Variants in POT1 observed in about 807,000 individuals in gnomAD.
POT1 encodes protection of telomeres protein 1.
A neutral mutation model predicts 78.5 loss-of-function variants in POT1; 47 were observed. The observed-to-expected ratio is 0.60, with a 90% confidence interval of 0.47 to 0.76. The LOEUF is 0.76. Among genes scored for constraint, POT1 ranks in the 30% least tolerant of loss-of-function variants. The pLI is 0.00. For missense variants in POT1, 646 were observed against 749.9 expected (o/e 0.86, Z 1.62); for synonymous variants, 259 against 260.7 (o/e 0.99, Z 0.06).
At chr7:124,837,823 T>C (rs1365608253) in intron 14 of POT1, among the ~76,000 whole-genome samples, 2 of 151,996 alleles carry the variant, frequency 1.3e-5, no homozygotes, top group African/African-American at 4.8e-5. Flanking sequence ...ATTTAAAAAT[T>C]GAATCAAAAA....
chr7:124,875,188 C>A (rs929452052), intron 6 of POT1, among the ~76,000 whole-genome samples: 1 of 152,084 alleles, frequency 6.6e-6, no homozygotes, highest in Non-Finnish European at 1.5e-5. Flanking sequence ...TTCTTACTTG[C>A]AATTACCATA....
intron 13 of POT1, 32 bp from the exon 14 acceptor site, chr7:124,841,210 C>T (rs759530267): frequency 1.1e-5 from 17 of 1,559,040 alleles, no homozygotes; most frequent in Admixed American, 1.0e-4. Context: ...TGATAGAAAT[C>T]GATTTTGGTG....
intron 6 of POT1, among the ~76,000 whole-genome samples, chr7:124,879,090 T>C (rs1458209787): frequency 6.6e-6 from 1 of 152,198 alleles, no homozygotes; most frequent in Non-Finnish European, 1.5e-5. Context: ...CTGAAAATAC[T>C]AATTGTTTGA....
chr7:124,840,311 T>A (rs938797170), intron 14 of POT1, among the ~76,000 whole-genome samples: 1 of 151,752 alleles, frequency 6.6e-6, no homozygotes, highest in African/African-American at 2.4e-5. Flanking sequence ...TGAAAAGGTT[T>A]CAAGGGAAGG....
chr7:124,875,328 TAAA>T (rs1273423663), intron 6 of POT1, among the ~76,000 whole-genome samples: 1 of 152,134 alleles, frequency 6.6e-6, no homozygotes, highest in Non-Finnish European at 1.5e-5. Flanking sequence ...TGTGTACACT[TAAA>T]AAGACTAATT....
chr7:124,839,087 G>A (rs561632966), intron 14 of POT1, among the ~76,000 whole-genome samples: 2 of 152,224 alleles, frequency 1.3e-5, no homozygotes, highest in Admixed American at 6.5e-5. Context: ...TAAGGATGGT[G>A]TGATATTAGG....
In POT1 at chr7:124,892,303, C is replaced by G. The variant is rs1481759760; in HGVS notation, c.87G>C (p.Val29=). Residue 29 remains valine, a synonymous_variant, in exon 6 of 19, where the codon GTG becomes GTC. Coordinates refer to ENST00000357628, the MANE Select transcript of POT1 (RefSeq NM_015450.3). ...TTAGATATGGGGGCTTAAAGAACTT[C>G]ACAACACCATAGACATTGACAATTG... The part of the protein sequence containing the change: ...GGTIVNVYGV[V]KFFKPPYLSK... 1.3e-6 allele frequency: 2 copies of G among 1,546,894 alleles called. No homozygotes were observed. The highest frequency in any genetic ancestry group is 4.4e-5 in the Admixed American group (2 of 45,084).
At chr7:124,863,836 A>T (rs547524924) in intron 7 of POT1, among the ~76,000 whole-genome samples, 196 bp from the exon 8 acceptor site, 1 of 152,270 alleles carries the variant, frequency 6.6e-6, no homozygotes, top group Non-Finnish European at 1.5e-5. Flanking sequence ...AAGATACAGA[A>T]GTATCATGGA....
At chr7:124,838,728 C>A (rs1794955241) in intron 14 of POT1, among the ~76,000 whole-genome samples, 1 of 152,070 alleles carries the variant, frequency 6.6e-6, no homozygotes, top group Non-Finnish European at 1.5e-5. Context: ...GCCTCAGCCT[C>A]CCGAGTAGTT....
intron 12 of POT1, among the ~76,000 whole-genome samples, chr7:124,844,772 G>C (rs1795125575): frequency 1.4e-5 from 2 of 146,490 alleles, no homozygotes; most frequent in African/African-American, 5.0e-5. Flanking sequence ...TGGCAGACCT[G>C]ATCAATTTAG....
intron 3 of POT1, among the ~76,000 whole-genome samples, chr7:124,905,172 A>G (rs58372288): frequency 0.044 from 6,683 of 152,246 alleles, 364 homozygotes; most frequent in African/African-American, 0.12. Flanking sequence ...CTCATTCCCA[A>G]GACAATCTTA....
At chr7:124,852,327 C>T (rs955115620) in intron 10 of POT1, among the ~76,000 whole-genome samples, 3 of 151,954 alleles carry the variant, frequency 2.0e-5, no homozygotes, top group Non-Finnish European at 2.9e-5. Context: ...ACACTAATTC[C>T]AATGAATTAA....
At chr7:124,894,894 A>G (rs1402927953) in intron 5 of POT1, among the ~76,000 whole-genome samples, 1 of 151,676 alleles carries the variant, frequency 6.6e-6, no homozygotes, top group African/African-American at 2.4e-5. Flanking sequence ...ACAAGGAGAA[A>G]TGATAGCATA....
rs1795856518 is a variant in POT1, at chr7:124,871,044, G to T, written c.125-3C>A. ...AATAGTTACAACTGAGCAATAATCT[G>T]GAAAACACAAAAATATTTTACCTGA... is the stretch of plus-strand genomic sequence containing the variant. On this transcript the variant is annotated splice_polypyrimidine_tract_variant and splice_region_variant and intron_variant, in intron 6 of 18. Transcript: ENST00000357628. 1 of 1,553,900 alleles carries T rather than the reference G, an allele frequency of 6.4e-7. No individual in the cohort carries two copies. Among genetic ancestry groups the T allele is most frequent in the South Asian group, 1.2e-5 (1 of 80,372 alleles).
At chr7:124,859,187 C>G (rs1795523838) in intron 8 of POT1, 75 bp from the exon 9 acceptor site, 3 of 1,187,890 alleles carry the variant, frequency 2.5e-6, no homozygotes, top group Non-Finnish European at 3.4e-6. Context: ...TTCCTGGAAA[C>G]AGTATTTAAA....
intron 2 of POT1, among the ~76,000 whole-genome samples, chr7:124,922,869 C>CA (rs1797184894): frequency 6.6e-6 from 1 of 151,714 alleles, no homozygotes; most frequent in Non-Finnish European, 1.5e-5. Context: ...TATATGCTAA[C>CA]AGATACTTAA....
intron 9 of POT1, among the ~76,000 whole-genome samples, chr7:124,854,301 G>A (rs866787753): frequency 5.9e-5 from 9 of 151,542 alleles, no homozygotes; most frequent in Non-Finnish European, 1.5e-5. Context: ...CAATAATTTT[G>A]TGCATGACAC....
At chr7:124,909,383 G>A (rs934299990) in intron 3 of POT1, among the ~76,000 whole-genome samples, 6 of 151,718 alleles carry the variant, frequency 4.0e-5, no homozygotes, top group East Asian at 1.9e-4. Context: ...CAAATACAAC[G>A]CTACCCTTAA....
At chr7:124,854,664 T>C (rs1370601829) in intron 9 of POT1, among the ~76,000 whole-genome samples, 1 of 151,862 alleles carries the variant, frequency 6.6e-6, no homozygotes. Context: ...GCCTTTCCTT[T>C]GACCTCTTTC....
Sources: gnomAD v4.1 joint callset for allele counts (sites outside exome capture counted in the v4.1 genomes callset) on GRCh38, gnomAD v4.1.1 for gene constraint, MANE v1.5 for transcripts, NCBI Gene and HGNC (gene_info 2026-07-23, HGNC 2026-07-21) for gene names.